The following AGBL3 variants were observed in gnomAD, a reference collection of about 807,000 sequenced individuals.
The protein encoded by AGBL3 is AGBL carboxypeptidase 3, also known as cytosolic carboxypeptidase 3.
Under a neutral mutation model 94.5 loss-of-function variants are expected in AGBL3, and 68 were observed. The ratio of observed to expected loss-of-function variants is 0.72; its 90% CI spans 0.59 to 0.88. The LOEUF (loss-of-function observed/expected upper bound fraction) is 0.88. Among genes scored for constraint, AGBL3 ranks in the 40% least tolerant of loss-of-function variants. AGBL3 has a pLI of 0.00. For missense variants in AGBL3, 934 were observed against 1,103.8 expected, an observed-to-expected ratio of 0.85 and a Z score of 2.18; for synonymous variants, 354 against 370.7, an observed-to-expected ratio of 0.95 and a Z score of 0.52.
chr7:135,092,119 A>G (rs2116918884), intron 15 of AGBL3, among the ~76,000 whole-genome samples: 2 of 152,336 alleles, frequency 1.3e-5, no homozygotes, highest in Middle Eastern at 6.8e-3. Flanking sequence ...TACTTGTAAT[A>G]TATCTGGGAT....
chr7:135,128,779 A>C, intron 16 of AGBL3: 2 of 1,275,468 alleles, frequency 1.6e-6, no homozygotes, highest in South Asian at 1.3e-5. Context: ...TTTTGGAGGA[A>C]CTTCTGGATC....
chr7:135,074,861 C>G (rs1820302931), intron 12 of AGBL3, among the ~76,000 whole-genome samples: 1 of 151,876 alleles, frequency 6.6e-6, no homozygotes, highest in Non-Finnish European at 1.5e-5. Context: ...TAAATGAATC[C>G]CTACAATGGT....
intron 8 of AGBL3, among the ~76,000 whole-genome samples, chr7:135,039,889 A>G (rs546335217): frequency 6.6e-6 from 1 of 152,232 alleles, no homozygotes; most frequent in South Asian, 2.1e-4. Context: ...AAAAAAATCA[A>G]TTAAGCAACA....
chr7:134,989,183 T>TA (rs1809885233), intron 2 of AGBL3, 67 bp from the exon 3 acceptor site: 11 of 1,170,770 alleles, frequency 9.4e-6, no homozygotes, highest in African/African-American at 3.1e-5. Context: ...AAAATAGATG[T>TA]AAAAAAATTC....
intron 16 of AGBL3, chr7:135,129,117 G>C: frequency 6.4e-7 from 1 of 1,552,436 alleles, no homozygotes; most frequent in Non-Finnish European, 8.9e-7. Flanking sequence ...AGAGCTAGTG[G>C]AAGCAGAGTT....
intron 15 of AGBL3, among the ~76,000 whole-genome samples, chr7:135,104,777 G>GTTT (rs199595037): frequency 1.0e-4 from 15 of 145,228 alleles, no homozygotes; most frequent in East Asian, 6.0e-4. Context: ...GGGCTGTTTG[G>GTTT]TTTTTTTTTT....
chr7:135,041,946 G>A lies in AGBL3; in HGVS notation c.1501-2079G>A, dbSNP rs1361164940. ...AGATGTTTGACATCAGTAGCCCTCA[G>A]GGAACTGCAAAGTAAAACCATGAGG... On this transcript the variant is annotated intron_variant, in intron 8 of 16. Transcript: ENST00000436302. Among the ~76,000 whole-genome samples, 4 of 152,116 alleles carry A rather than the reference G, an allele frequency of 2.6e-5. 1 individual carries two copies. In the East Asian group the frequency reaches 7.7e-4, roughly 29 times the overall value.
intron 12 of AGBL3, among the ~76,000 whole-genome samples, chr7:135,068,833 G>C (rs1028349893): frequency 1.6e-4 from 24 of 152,244 alleles, no homozygotes; most frequent in African/African-American, 5.8e-4. Flanking sequence ...ATCAACTAAC[G>C]AGCAAAATAA....
intron 5 of AGBL3, among the ~76,000 whole-genome samples, chr7:135,024,559 A>C (rs1814879023): frequency 6.6e-6 from 1 of 152,222 alleles, no homozygotes; most frequent in Non-Finnish European, 1.5e-5. Flanking sequence ...AAGAATCAGC[A>C]CAAGAACTCA....
chr7:135,010,311 T>TG (rs112195229), intron 4 of AGBL3: 17 of 257,192 alleles, frequency 6.6e-5, no homozygotes, highest in African/African-American at 2.4e-4. Flanking sequence ...TTTTTGTTGT[T>TG]TTTTTTTTTT....
intron 15 of AGBL3, among the ~76,000 whole-genome samples, chr7:135,105,325 C>T (rs558678304): frequency 1.7e-5 from 2 of 120,250 alleles, no homozygotes; most frequent in Non-Finnish European, 3.8e-5. Flanking sequence ...CTGCCTCGGT[C>T]TCCCAAAGTG....
intron 11 of AGBL3, among the ~76,000 whole-genome samples, chr7:135,049,771 CATTTTTT>C (rs1383827878): frequency 6.6e-6 from 1 of 151,706 alleles, no homozygotes; most frequent in Non-Finnish European, 1.5e-5. Context: ...TTTCCTCTTT[CATTTTTT>C]ATTTTATTTG....
At chr7:134,998,360 G>C (rs1167242900) in intron 4 of AGBL3, among the ~76,000 whole-genome samples, 1 of 152,072 alleles carries the variant, frequency 6.6e-6, no homozygotes, top group Non-Finnish European at 1.5e-5. Context: ...GGATAATTAA[G>C]CTAAGAGACT....
chr7:135,129,655 T>A lies in AGBL3; in HGVS notation c.2343-5186T>A. 3 of 781,536 alleles carry A rather than the reference T, an allele frequency of 3.8e-6. 1 individual carries two copies. The highest frequency in any genetic ancestry group is 7.3e-4 in the Middle Eastern group (2 of 2,722). 48.4% of individuals were successfully genotyped at this position (781,536 alleles called of 1,614,324 possible). On this transcript the variant is annotated intron_variant, in intron 16 of 16. Coordinates refer to ENST00000436302, the MANE Select transcript of AGBL3 (RefSeq NM_178563.4). Reference sequence around the variant, plus strand: ...AAACAGCTGTTTTATGCTGTGGATGTTGATGAAGATATTTGGGAAGATGAG... The same window carrying A: ...AAACAGCTGTTTTATGCTGTGGATGATGATGAAGATATTTGGGAAGATGAG...
In AGBL3 at chr7:135,076,413, CAAAG is replaced by C. The variant is rs1820456120; in HGVS notation, c.1928_1931del (p.Lys643ArgfsTer7). On this transcript the variant is annotated frameshift_variant, in exon 13 of 17. Coordinates refer to ENST00000436302, the MANE Select transcript of AGBL3 (RefSeq NM_178563.4). LOFTEE classifies it high-confidence loss of function. ...TTTTACTAGAAAAAACATTTGAAAA[CAAAG>C]AAGGAAAGGAATTCTACCATAGCAA... 6.5e-7 allele frequency: 1 copy of C among 1,547,066 alleles called. No homozygotes were observed. Among genetic ancestry groups the C allele is most frequent in the Non-Finnish European group, 8.7e-7 (1 of 1,143,396 alleles).
Position 135,103,911 on chromosome 7 carries a change from G to T in AGBL3, c.2111-11469G>T, listed in dbSNP as rs544936209. 9.2e-5 allele frequency among the ~76,000 whole-genome samples: 14 copies of T among 151,726 alleles called. No homozygotes were observed. In the South Asian group the frequency reaches 2.3e-3, roughly 25 times the overall value. Reference sequence around the variant, plus strand: ...TTTTAATGTAAGGATGTTCATCATGGTATTATTTTATTTTTAAACTTTGAA... The same window carrying T: ...TTTTAATGTAAGGATGTTCATCATGTTATTATTTTATTTTTAAACTTTGAA... On this transcript the variant is annotated intron_variant, in intron 15 of 16. Coordinates refer to ENST00000436302, the MANE Select transcript of AGBL3 (RefSeq NM_178563.4).
intron 12 of AGBL3, among the ~76,000 whole-genome samples, chr7:135,064,279 A>G (rs1188439510): frequency 1.3e-5 from 2 of 152,252 alleles, no homozygotes; most frequent in African/African-American, 2.4e-5. Flanking sequence ...ATGTGGCTAG[A>G]GAAGAATTAA....
intron 6 of AGBL3, among the ~76,000 whole-genome samples, chr7:135,033,638 G>C (rs1338155096): frequency 6.6e-6 from 1 of 152,124 alleles, no homozygotes; most frequent in Non-Finnish European, 1.5e-5. Flanking sequence ...TAAGTAAAGG[G>C]ATGCAAATAG....
chr7:135,071,935 T>C (rs1203584683), intron 12 of AGBL3, among the ~76,000 whole-genome samples: 1 of 151,960 alleles, frequency 6.6e-6, no homozygotes, highest in African/African-American at 2.4e-5. Context: ...ACTAAAGAGC[T>C]TCTGCACAGC....
Sources: gnomAD v4.1 joint callset for allele counts (sites outside exome capture counted in the v4.1 genomes callset) on GRCh38, gnomAD v4.1.1 for gene constraint, MANE v1.5 for transcripts, NCBI Gene and HGNC (gene_info 2026-07-23, HGNC 2026-07-21) for gene names.